Variants in TMEM182 observed in about 807,000 individuals in gnomAD.
TMEM182 encodes transmembrane protein 182.
TMEM182 carries 20 observed loss-of-function variants against 26.8 expected under a neutral mutation model. That is an observed-to-expected ratio of 0.75 (90% CI 0.53 to 1.09). The LOEUF is 1.09. TMEM182 is among the 50% of genes least tolerant of loss of function. The pLI is 0.00. For missense variants in TMEM182, 277 were observed against 275.5 expected, an observed-to-expected ratio of 1.01 and a Z score of -0.04; for synonymous variants, 109 against 102.2, an observed-to-expected ratio of 1.07 and a Z score of -0.40.
intron 1 of TMEM182, among the ~76,000 whole-genome samples, chr2:102,749,464 A>G (rs1173437740): frequency 2.0e-5 from 3 of 152,164 alleles, no homozygotes; most frequent in Non-Finnish European, 4.4e-5. Flanking sequence ...CAAATAGGCA[A>G]TTTCTTACTG....
intron 3 of TMEM182, among the ~76,000 whole-genome samples, chr2:102,842,246 AC>A (rs1386530713): frequency 1.3e-5 from 2 of 151,448 alleles, no homozygotes; most frequent in Non-Finnish European, 2.9e-5. Flanking sequence ...GTATGCTCCT[AC>A]CTCCCTCTCT....
intron 4 of TMEM182, among the ~76,000 whole-genome samples, chr2:102,798,372 C>T (rs2110665): frequency 0.54 from 81,962 of 151,946 alleles, 22,675 homozygotes; most frequent in African/African-American, 0.65. Flanking sequence ...AATTTTCTGT[C>T]TGTAAATGGG....
chr2:102,758,408 G>T, upstream of TMEM182: 1 of 713,216 alleles, frequency 1.4e-6, no homozygotes, highest in East Asian at 2.7e-5. Flanking sequence ...AAAACTAGAA[G>T]AGTTTCAAGT....
intron 3 of TMEM182, among the ~76,000 whole-genome samples, chr2:102,827,023 C>T (rs1683044705): frequency 6.6e-6 from 1 of 152,222 alleles, no homozygotes; most frequent in African/African-American, 2.4e-5. Flanking sequence ...CTCAGCTTTA[C>T]TTGCCCTTGT....
chr2:102,843,604 G>C (rs115064395), exon 4 of TMEM182: 1 of 152,074 alleles, frequency 6.6e-6, no homozygotes, highest in Non-Finnish European at 1.5e-5. Flanking sequence ...TATATAACTC[G>C]TTTTCCCATT....
intron 3 of TMEM182, among the ~76,000 whole-genome samples, chr2:102,793,824 C>G (rs1681749468): frequency 6.6e-6 from 1 of 152,138 alleles, no homozygotes; most frequent in African/African-American, 2.4e-5. Flanking sequence ...GAGGGCTGAC[C>G]ATACAAGCTA....
intron 3 of TMEM182, among the ~76,000 whole-genome samples, chr2:102,842,521 A>G (rs1683374267): frequency 6.6e-6 from 1 of 152,104 alleles, no homozygotes; most frequent in South Asian, 2.1e-4. Flanking sequence ...ACCTAGATCC[A>G]CAGGGTCAGA....
chr2:102,792,014 ATATATATATAATTT>A (rs1373020953), intron 3 of TMEM182, among the ~76,000 whole-genome samples: 1 of 144,912 alleles, frequency 6.9e-6, no homozygotes, highest in Non-Finnish European at 1.5e-5. Flanking sequence ...ATACCTAAAA[ATATATATATAATTT>A]TATATGTGTG....
At chr2:102,825,806 T>C (rs1173478107) in intron 3 of TMEM182, among the ~76,000 whole-genome samples, 2 of 152,166 alleles carry the variant, frequency 1.3e-5, no homozygotes, top group South Asian at 2.1e-4. Context: ...GTCAGTCCCA[T>C]TGGAGAGTTG....
chr2:102,815,134 T>C lies in TMEM182; in HGVS notation c.*166T>C, dbSNP rs1458202612. The C allele has an allele frequency of 7.0e-7, 1 of 1,430,964 alleles. No individual in the cohort carries two copies. The highest frequency in any genetic ancestry group is 9.1e-7 in the Non-Finnish European group (1 of 1,100,362). The allele number at this position is 1,430,964 out of a possible 1,614,324, so 88.6% of individuals were successfully genotyped here. A position where few individuals can be genotyped will look rare whatever the true frequency, so the allele number is the denominator to read the frequency against. On this transcript the variant is annotated 3_prime_UTR_variant, in exon 5 of 5. Transcript: ENST00000412401. ...TTTCTTCAGTAAGAAGGTCCTAGAA[T>C]CTCTCCAGACACCAGCAAGCCTCTA...
chr2:102,762,353 A>G lies in TMEM182; in HGVS notation c.132+4A>G. 6.2e-7 allele frequency: 1 copy of G among 1,613,734 alleles called. No individual in the cohort carries two copies. Among genetic ancestry groups the G allele is most frequent in the Non-Finnish European group, 8.5e-7 (1 of 1,179,900 alleles). Reference sequence around the variant, plus strand: ...GAGATGTTCAGGTGAAAAGAATGTGAGTCTCTTCTTCAAAATAGTGATGCA... The same window carrying G: ...GAGATGTTCAGGTGAAAAGAATGTGGGTCTCTTCTTCAAAATAGTGATGCA... On this transcript the variant is annotated splice_donor_region_variant and intron_variant, in intron 1 of 4. Transcript: ENST00000412401.
At position 102,793,778 on chromosome 2, in the gene TMEM182, G is replaced by A. The variant is rs1266812211; in HGVS notation, c.332-4085G>A. Among the ~76,000 whole-genome samples, 4 of 152,044 alleles carry A rather than the reference G, an allele frequency of 2.6e-5. No individual in the cohort carries two copies. The East Asian group carries it at 7.7e-4, about 29-fold the overall frequency. On this transcript the variant is annotated intron_variant, in intron 3 of 4. Coordinates refer to ENST00000412401, the MANE Select transcript of TMEM182 (RefSeq NM_144632.5). ...TTTTTCCTAAATATTTTTGATCCAT[G>A]GTTGGTTGAATCCACAGATGCAAAA...
chr2:102,821,987 CA>C (rs57270388), downstream of TMEM182, among the ~76,000 whole-genome samples: 7,976 of 103,060 alleles, frequency 0.077, 232 homozygotes, highest in Middle Eastern at 0.12. Flanking sequence ...GACTCTGTCT[CA>C]AAAAAAAAAA....
In TMEM182 at chr2:102,762,720, C is replaced by T. The variant is rs763961790; in HGVS notation, c.232+34C>T. The T allele has an allele frequency of 3.5e-5, 54 of 1,560,442 alleles. No homozygotes were observed. In the Middle Eastern group the frequency reaches 5.1e-4, roughly 15 times the overall value. ...AATTTAGCTTTATTTTCCCTCTTGTCTGTAAAATAAAAATGAACAGTTTCT... is the reference window on the plus strand; with the variant it reads ...AATTTAGCTTTATTTTCCCTCTTGTTTGTAAAATAAAAATGAACAGTTTCT... On this transcript the variant is annotated intron_variant, in intron 2 of 4. Transcript: ENST00000412401.
upstream of TMEM182, among the ~76,000 whole-genome samples, chr2:102,759,050 G>A (rs1232522591): frequency 6.6e-6 from 1 of 152,100 alleles, no homozygotes; most frequent in East Asian, 1.9e-4. Flanking sequence ...ATTCATTGAT[G>A]AACCTAGTCC....
intron 3 of TMEM182, among the ~76,000 whole-genome samples, chr2:102,785,900 A>G (rs1681368914): frequency 6.6e-6 from 1 of 152,194 alleles, no homozygotes; most frequent in Non-Finnish European, 1.5e-5. Context: ...CTTTGCTATA[A>G]TTATTTTCTA....
Position 102,741,534 on chromosome 2 carries a change from C to T in TMEM182, c.-83+4521C>T, listed in dbSNP as rs568817950. On this transcript the variant is annotated intron_variant, in intron 1 of 5. Transcript: ENST00000409173. ...AGGGAAACTACTAGCCAGAATCTTA[C>T]GTTACTTGGAAAAGGGAAACTTGGT... is the stretch of plus-strand genomic sequence containing the variant. 1.5e-4 allele frequency among the ~76,000 whole-genome samples: 23 copies of T among 152,226 alleles called. No individual in the cohort carries two copies. The South Asian group carries it at 4.6e-3, about 30-fold the overall frequency.
chr2:102,823,491 C>A (rs1682967294), intron 3 of TMEM182, among the ~76,000 whole-genome samples: 2 of 152,000 alleles, frequency 1.3e-5, no homozygotes, highest in Non-Finnish European at 2.9e-5. Flanking sequence ...ACCACCAAGC[C>A]CAGCTAATTT....
At chr2:102,736,938 T>C in exon 1 of TMEM182, 15 of 1,223,812 alleles carry the variant, frequency 1.2e-5, no homozygotes, top group Non-Finnish European at 1.6e-5. Context: ...ACCTGGCAGC[T>C]CCGCGGGTGC....
Sources: allele counts gnomAD v4.1 joint callset (sites outside exome capture counted in the v4.1 genomes callset), GRCh38; gene constraint gnomAD v4.1.1; transcripts MANE v1.5; gene names NCBI Gene and HGNC (gene_info 2026-07-23, HGNC 2026-07-21).